Variants in RAVER2 observed in about 807,000 individuals in gnomAD.
RAVER2 encodes the protein ribonucleoprotein, PTB binding 2, also known as ribonucleoprotein PTB-binding 2.
Under a neutral mutation model 78.1 loss-of-function variants are expected in RAVER2, and 46 were observed. That is an observed-to-expected ratio of 0.59 (90% CI 0.46 to 0.75). RAVER2 has a LOEUF of 0.75. Ranked by LOEUF, RAVER2 falls within the 30% of genes least tolerant of loss-of-function variation. The probability of loss-of-function intolerance (pLI) is 0.00; values close to 1 mark genes in which losing one functional copy is unlikely to be tolerated. For synonymous variants in RAVER2, 311 were observed against 313.3 expected, an observed-to-expected ratio of 0.99 and a Z score of 0.08; for missense variants, 793 against 837.5, an observed-to-expected ratio of 0.95 and a Z score of 0.66.
intron 4 of RAVER2, among the ~76,000 whole-genome samples, chr1:64,785,012 TTCTC>T: frequency 6.6e-6 from 1 of 151,716 alleles, no homozygotes; most frequent in South Asian, 2.1e-4. Context: ...GGAGAGCTCT[TTCTC>T]ATCCTCAAAT....
At chr1:64,784,755 A>G (rs1469581812) in intron 4 of RAVER2, among the ~76,000 whole-genome samples, 1 of 152,220 alleles carries the variant, frequency 6.6e-6, no homozygotes, top group Non-Finnish European at 1.5e-5. Flanking sequence ...AACTAAAACT[A>G]TGTGAATCAA....
exon 7 of RAVER2, chr1:64,804,772 G>A (rs1338004988): frequency 6.5e-7 from 1 of 1,545,110 alleles, no homozygotes; most frequent in African/African-American, 1.4e-5. Context: ...TATTCCTTCA[G>A]AATCTTTCTC....
At chr1:64,817,471 C>T (rs1653782270) in intron 11 of RAVER2, among the ~76,000 whole-genome samples, 1 of 152,224 alleles carries the variant, frequency 6.6e-6, no homozygotes, top group South Asian at 2.1e-4. Flanking sequence ...TATAGAGGCA[C>T]TATTCACAAT....
chr1:64,831,039 C>T (rs1654115622), exon 12 of RAVER2: 1 of 1,534,630 alleles, frequency 6.5e-7, no homozygotes. Flanking sequence ...CTCTGCTGTT[C>T]ATCGCTGCCT....
At chr1:64,776,604 A>AT (rs781454900) in intron 2 of RAVER2, among the ~76,000 whole-genome samples, 76 of 152,342 alleles carry the variant, frequency 5.0e-4, no homozygotes, top group Non-Finnish European at 7.2e-4. Context: ...ATTTGGGTAA[A>AT]TTAAATGTTC....
intron 5 of RAVER2, among the ~76,000 whole-genome samples, chr1:64,798,036 T>C (rs1342268040): frequency 6.7e-6 from 1 of 149,386 alleles, no homozygotes; most frequent in African/African-American, 2.5e-5. Flanking sequence ...ACTCGTCATC[T>C]AGCATTAGGT....
intron 2 of RAVER2, among the ~76,000 whole-genome samples, chr1:64,774,906 G>A (rs1416812912): frequency 6.6e-6 from 1 of 152,096 alleles, no homozygotes; most frequent in Admixed American, 6.6e-5. Context: ...CTTGTAAATT[G>A]TATTCCTAGG....
chr1:64,819,022 A>G (rs1369796263), intron 11 of RAVER2, among the ~76,000 whole-genome samples: 1 of 152,210 alleles, frequency 6.6e-6, no homozygotes, highest in East Asian at 1.9e-4. Flanking sequence ...AACTCCTTCT[A>G]GAACAAAAAT....
chr1:64,788,647 C>T (rs1385396427), intron 4 of RAVER2, among the ~76,000 whole-genome samples: 1 of 151,732 alleles, frequency 6.6e-6, no homozygotes, highest in Non-Finnish European at 1.5e-5. Context: ...AAAAAATTAG[C>T]CAGGCGTTGT....
chr1:64,754,878 A>G (rs1651806848), intron 1 of RAVER2, among the ~76,000 whole-genome samples: 1 of 152,214 alleles, frequency 6.6e-6, no homozygotes, highest in Non-Finnish European at 1.5e-5. Flanking sequence ...ACGTTTATGC[A>G]TGAGGGTTTG....
chr1:64,831,575 T>C (rs1388192007), exon 12 of RAVER2: 2 of 152,182 alleles, frequency 1.3e-5, no homozygotes. Flanking sequence ...TATCCACTAC[T>C]ACCGATGCTT....
chr1:64,761,056 T>G (rs1652005982), intron 1 of RAVER2, among the ~76,000 whole-genome samples: 1 of 152,198 alleles, frequency 6.6e-6, no homozygotes, highest in Non-Finnish European at 1.5e-5. Flanking sequence ...ATCAAATTCT[T>G]AAGGTTGTTA....
At chr1:64,804,713 A>G (rs1388822571) in intron 6 of RAVER2, 21 bp from the exon 7 acceptor site, 1 of 1,213,002 alleles carries the variant, frequency 8.2e-7, no homozygotes, top group South Asian at 1.3e-5. Flanking sequence ...TTAAACTGAC[A>G]ACGTTTTGTC....
At chr1:64,770,670 A>G (rs1490134431) in intron 2 of RAVER2, among the ~76,000 whole-genome samples, 1 of 152,088 alleles carries the variant, frequency 6.6e-6, no homozygotes. Context: ...ACATTAAACC[A>G]GTTTTTATAA....
At chr1:64,752,093 T>C (rs1651716489) in intron 1 of RAVER2, among the ~76,000 whole-genome samples, 1 of 152,202 alleles carries the variant, frequency 6.6e-6, no homozygotes, top group South Asian at 2.1e-4. Context: ...TTGTGCTGAA[T>C]AGCTTCCATT....
At chr1:64,787,048 T>C (rs370283313) in intron 4 of RAVER2, among the ~76,000 whole-genome samples, 12 of 152,346 alleles carry the variant, frequency 7.9e-5, no homozygotes, top group African/African-American at 1.2e-4. Flanking sequence ...TCAATACTTA[T>C]GTTTTTCATA....
chr1:64,760,866 G>C (rs1266054280), intron 1 of RAVER2, among the ~76,000 whole-genome samples: 1 of 152,126 alleles, frequency 6.6e-6, no homozygotes, highest in Non-Finnish European at 1.5e-5. Context: ...ATATTTTATA[G>C]ATTTTGTTTT....
chr1:64,783,320 A>G (rs557173380), intron 4 of RAVER2, among the ~76,000 whole-genome samples: 8 of 152,274 alleles, frequency 5.3e-5, no homozygotes, highest in East Asian at 1.9e-4. Context: ...GTCTTCCACA[A>G]TGGTTGAACT....
intron 5 of RAVER2, among the ~76,000 whole-genome samples, chr1:64,795,296 G>A (rs1308973875): frequency 6.6e-6 from 1 of 151,996 alleles, no homozygotes; most frequent in Non-Finnish European, 1.5e-5. Context: ...GGCCATTCCA[G>A]GTTCTTTGCA....
Sources: allele counts gnomAD v4.1 joint callset (sites outside exome capture counted in the v4.1 genomes callset), GRCh38; gene constraint gnomAD v4.1.1; transcripts MANE v1.5; gene names NCBI Gene and HGNC (gene_info 2026-07-23, HGNC 2026-07-21).